BCAS1: variants seen among roughly 807,000 people sequenced by gnomAD.
BCAS1 encodes the protein breast carcinoma-amplified sequence 1.
BCAS1 carries 46 observed loss-of-function variants against 65.4 expected under a neutral mutation model. The ratio of observed to expected loss-of-function variants is 0.70; its 90% CI spans 0.55 to 0.90. BCAS1 has a LOEUF of 0.90. BCAS1 is among the 40% of genes least tolerant of loss of function. The pLI is 0.00. For synonymous variants in BCAS1, 298 were observed against 293.5 expected (o/e 1.02, Z -0.16); for missense variants, 793 against 771.2 (o/e 1.03, Z -0.33).
chr20:53,957,092 T>C (rs1015582647), intron 11 of BCAS1, among the ~76,000 whole-genome samples: 4 of 152,134 alleles, frequency 2.6e-5, no homozygotes, highest in Non-Finnish European at 5.9e-5. Context: ...GATGACGCTA[T>C]GAAATAAAAG....
rs567666269 is a variant in BCAS1 at position 54,066,125 on chromosome 20, T to C, written c.-6+4308A>G. Among the ~76,000 whole-genome samples, 4 of 150,702 alleles carry C rather than the reference T, an allele frequency of 2.7e-5. No homozygotes were observed. The East Asian group carries it at 7.9e-4, about 30-fold the overall frequency. On this transcript the variant is annotated intron_variant, in intron 1 of 12. Transcript: ENST00000688948. ...TCTGGCTCTGTCGCCCAGGCTGGAGTGCAGTGGCGCCATTTCGGCTCACTG... is the reference window on the plus strand; with the variant it reads ...TCTGGCTCTGTCGCCCAGGCTGGAGCGCAGTGGCGCCATTTCGGCTCACTG...
At position 53,957,439 on chromosome 20, in the gene BCAS1, CTGG is replaced by C; in HGVS notation, c.1541_1543del (p.Ser514_Ser515delinsCys). 1.2e-6 allele frequency: 2 copies of C among 1,613,932 alleles called. No individual in the cohort carries two copies. The highest frequency in any genetic ancestry group is 1.7e-6 in the Non-Finnish European group (2 of 1,179,786). On this transcript the variant is annotated inframe_deletion, in exon 11 of 13. Coordinates refer to ENST00000688948, the MANE Select transcript of BCAS1 (RefSeq NM_001366298.2). ...GAGTTCGAGGTCACTTACTTGGCAGCTGGAGTCTTTCCCATTTATTTCTTCTGA... is the reference window on the plus strand; with the variant it reads ...GAGTTCGAGGTCACTTACTTGGCAGCAGTCTTTCCCATTTATTTCTTCTGA...
intron 4 of BCAS1, among the ~76,000 whole-genome samples, chr20:54,017,236 T>G (rs1283674379): frequency 6.6e-6 from 1 of 152,132 alleles, no homozygotes; most frequent in Non-Finnish European, 1.5e-5. Context: ...TTTGTCAACT[T>G]GAGTTCCAAT....
chr20:54,019,599 C>T (rs926038958), intron 4 of BCAS1, among the ~76,000 whole-genome samples: 3 of 152,128 alleles, frequency 2.0e-5, no homozygotes, highest in African/African-American at 7.2e-5. Flanking sequence ...AGGAGATTAA[C>T]ATTTGAGTCA....
intron 1 of BCAS1, among the ~76,000 whole-genome samples, chr20:54,066,297 C>T (rs555069062): frequency 3.3e-4 from 51 of 152,268 alleles, no homozygotes; most frequent in Non-Finnish European, 5.3e-4. Flanking sequence ...TGGTCTCGAT[C>T]TCCTGACCTC....
chr20:54,008,168 A>G (rs1274173982), intron 4 of BCAS1, among the ~76,000 whole-genome samples: 1 of 152,220 alleles, frequency 6.6e-6, no homozygotes, highest in Non-Finnish European at 1.5e-5. Flanking sequence ...TGCCAGAGAA[A>G]GCCAAGTGGG....
chr20:54,043,057 G>A (rs2092029033), intron 3 of BCAS1, among the ~76,000 whole-genome samples: 1 of 152,150 alleles, frequency 6.6e-6, no homozygotes, highest in South Asian at 2.1e-4. Context: ...CTCTCAGAAG[G>A]CATTTTTAAG....
At chr20:53,954,312 AG>A (rs2089631115) in intron 11 of BCAS1, among the ~76,000 whole-genome samples, 1 of 151,488 alleles carries the variant, frequency 6.6e-6, no homozygotes, top group Admixed American at 6.6e-5. Flanking sequence ...AGAGAGAGAG[AG>A]AGAGAGAGAG....
chr20:53,947,107 G>A (rs1035792549), intron 12 of BCAS1, among the ~76,000 whole-genome samples: 2 of 152,080 alleles, frequency 1.3e-5, no homozygotes, highest in African/African-American at 4.8e-5. Context: ...TCAGATTGCT[G>A]GTCTTTGAAC....
intron 9 of BCAS1, among the ~76,000 whole-genome samples, chr20:53,972,897 T>A (rs1410181648): frequency 2.6e-5 from 4 of 152,160 alleles, no homozygotes; most frequent in African/African-American, 9.7e-5. Flanking sequence ...GTCACAACCA[T>A]CAGTCTCATT....
intron 6 of BCAS1, 73 bp downstream of exon 6, chr20:53,994,939 C>A: frequency 2.3e-6 from 3 of 1,314,410 alleles, no homozygotes; most frequent in South Asian, 1.2e-5. Context: ...AAAAAACAAG[C>A]AGGCAGACAC....
intron 12 of BCAS1, among the ~76,000 whole-genome samples, chr20:53,950,439 G>C (rs937948204): frequency 4.7e-5 from 7 of 149,406 alleles, no homozygotes; most frequent in South Asian, 2.1e-4. Flanking sequence ...AGCACACCCC[G>C]CCCCCAGACA....
At chr20:54,055,815 CAT>C (rs1269710603) in intron 3 of BCAS1, among the ~76,000 whole-genome samples, 2 of 152,258 alleles carry the variant, frequency 1.3e-5, no homozygotes, top group African/African-American at 4.8e-5. Flanking sequence ...TATACATATA[CAT>C]GTGTGTAAAT....
intron 1 of BCAS1, among the ~76,000 whole-genome samples, chr20:54,063,417 A>T (rs2092399496): frequency 6.6e-6 from 1 of 152,188 alleles, no homozygotes; most frequent in African/African-American, 2.4e-5. Context: ...CACGGGTATG[A>T]TCCTTGCTCT....
At chr20:54,013,071 T>C (rs1251661250) in intron 4 of BCAS1, among the ~76,000 whole-genome samples, 1 of 152,182 alleles carries the variant, frequency 6.6e-6, no homozygotes, top group Non-Finnish European at 1.5e-5. Flanking sequence ...CCATCAACCA[T>C]ACAACATATG....
At chr20:54,008,857 G>A (rs2091260998) in intron 4 of BCAS1, among the ~76,000 whole-genome samples, 1 of 151,556 alleles carries the variant, frequency 6.6e-6, no homozygotes, top group African/African-American at 2.4e-5. Context: ...CCAGGCTGGA[G>A]TGTAATGGCA....
intron 7 of BCAS1, among the ~76,000 whole-genome samples, chr20:53,989,924 T>C (rs1444707587): frequency 1.3e-5 from 2 of 152,218 alleles, no homozygotes; most frequent in Non-Finnish European, 2.9e-5. Context: ...ATTAAAAAGT[T>C]ATTTCTTGTT....
intron 3 of BCAS1, among the ~76,000 whole-genome samples, chr20:54,056,846 T>C (rs1015554306): frequency 6.6e-6 from 1 of 152,190 alleles, no homozygotes; most frequent in Non-Finnish European, 1.5e-5. Flanking sequence ...AATATGATAA[T>C]GATAGGAGCA....
At chr20:54,007,537 T>C (rs987004285) in intron 4 of BCAS1, among the ~76,000 whole-genome samples, 1 of 152,190 alleles carries the variant, frequency 6.6e-6, no homozygotes, top group African/African-American at 2.4e-5. Flanking sequence ...CTCTAGCCTC[T>C]CTGCTTCCCT....
Sources: gnomAD v4.1 joint callset for allele counts (sites outside exome capture counted in the v4.1 genomes callset) on GRCh38, gnomAD v4.1.1 for gene constraint, MANE v1.5 for transcripts, NCBI Gene and HGNC (gene_info 2026-07-23, HGNC 2026-07-21) for gene names.